PRDM4: variants seen among roughly 807,000 people sequenced by gnomAD.
PRDM4 encodes PR/SET domain 4, also known as PR domain zinc finger protein 4.
A neutral mutation model predicts 62.3 loss-of-function variants in PRDM4; 38 were observed. The observed-to-expected ratio is 0.61, with a 90% CI of 0.47 to 0.80. PRDM4 has a LOEUF of 0.80. Among genes scored for constraint, PRDM4 ranks in the 30% least tolerant of loss-of-function variants. The pLI is 0.00. For missense variants in PRDM4, 858 were observed against 997.1 expected, an observed-to-expected ratio of 0.86 and a Z score of 1.88; for synonymous variants, 339 against 348.2, an observed-to-expected ratio of 0.97 and a Z score of 0.30.
intron 3 of PRDM4, among the ~76,000 whole-genome samples, chr12:107,754,655 T>C (rs1209286374): frequency 6.6e-6 from 1 of 152,228 alleles, no homozygotes; most frequent in Admixed American, 6.5e-5. Flanking sequence ...AGTGCGGGGA[T>C]TGCCACCATG....
intron 6 of PRDM4, among the ~76,000 whole-genome samples, chr12:107,745,144 A>G (rs533760697): frequency 1.9e-4 from 29 of 152,278 alleles, no homozygotes; most frequent in Non-Finnish European, 3.4e-4. Flanking sequence ...CTGTAAATAT[A>G]TAAAATGTAA....
Position 107,741,456 on chromosome 12 carries a change from T to A in PRDM4, c.1610-196A>T, listed in dbSNP as rs1175529181. ...CAGGCACAGTGGCTCAGGCCTGCAA[T>A]CTTAGTGCTTTGAGAGCCCAAAGTG... On this transcript the variant is annotated intron_variant, in intron 9 of 11. Coordinates refer to ENST00000228437, the MANE Select transcript of PRDM4 (RefSeq NM_012406.4). Among the ~76,000 whole-genome samples, 3 of 152,040 alleles carry A rather than the reference T, an allele frequency of 2.0e-5. No individual in the cohort carries two copies. The East Asian group carries it at 5.8e-4, about 29-fold the overall frequency.
chr12:107,760,007 A>G (rs1329809044), intron 2 of PRDM4: 1 of 152,420 alleles, frequency 6.6e-6, no homozygotes, highest in East Asian at 1.9e-4. Flanking sequence ...CAATAATTTC[A>G]ATGAATTTGT....
chr12:107,755,658 T>C (rs1426583568), intron 3 of PRDM4, among the ~76,000 whole-genome samples: 1 of 152,232 alleles, frequency 6.6e-6, no homozygotes, highest in African/African-American at 2.4e-5. Context: ...ACAAAGAAAG[T>C]CCAATACATA....
intron 3 of PRDM4, among the ~76,000 whole-genome samples, chr12:107,755,274 T>C (rs1891028352): frequency 6.6e-6 from 1 of 151,908 alleles, no homozygotes; most frequent in South Asian, 2.1e-4. Context: ...TTTTTTTTTT[T>C]CTTTGTAGAG....
At chr12:107,746,562 G>A (rs1487617523) in intron 5 of PRDM4, 138 bp from the exon 6 acceptor site, 1 of 679,696 alleles carries the variant, frequency 1.5e-6, no homozygotes, top group Non-Finnish European at 2.3e-6. Flanking sequence ...TTGGCTCACT[G>A]CAACCTCTGC....
chr12:107,746,830 A>C (rs144224595), intron 5 of PRDM4, among the ~76,000 whole-genome samples: 101 of 152,304 alleles, frequency 6.6e-4, no homozygotes, highest in African/African-American at 2.3e-3. Flanking sequence ...ATCCAGTAAG[A>C]AGCACGGTTC....
At chr12:107,755,586 T>A (rs1210080899) in intron 3 of PRDM4, among the ~76,000 whole-genome samples, 1 of 152,216 alleles carries the variant, frequency 6.6e-6, no homozygotes, top group Non-Finnish European at 1.5e-5. Flanking sequence ...ATTAAGCAAG[T>A]AATTCTCTTT....
At chr12:107,757,647 T>A (rs1040554952) in intron 2 of PRDM4, among the ~76,000 whole-genome samples, 3 of 152,100 alleles carry the variant, frequency 2.0e-5, no homozygotes, top group African/African-American at 7.2e-5. Flanking sequence ...ATGCCCCAAA[T>A]CACATAGCTA....
In PRDM4 at chr12:107,734,225, AAG is replaced by A; in HGVS notation, c.2389_2390del (p.Leu797PhefsTer4). On this transcript the variant is annotated frameshift_variant, in exon 12 of 12. Coordinates refer to ENST00000228437, the MANE Select transcript of PRDM4 (RefSeq NM_012406.4). LOFTEE classifies it high-confidence loss of function. Reference protein sequence around the residue: ...NSAVYSADESLSAHK With the variant: ...NSAVYSADESXSAHK ...TCTTTTCCTTTTATTTATGTGCAGA[AAG>A]AGACTCATCCGCTGAATACACAGCA... The A allele has an allele frequency of 6.3e-7, 1 of 1,596,552 alleles. No individual in the cohort carries two copies. Among genetic ancestry groups the A allele is most frequent in the Non-Finnish European group, 8.5e-7 (1 of 1,172,342 alleles).
At chr12:107,745,427 G>T (rs911761962) in intron 6 of PRDM4, among the ~76,000 whole-genome samples, 2 of 151,882 alleles carry the variant, frequency 1.3e-5, no homozygotes, top group Non-Finnish European at 2.9e-5. Flanking sequence ...AATTAGCTGG[G>T]CATGATTGCA....
At position 107,754,011 on chromosome 12, in the gene PRDM4, T is replaced by C; in HGVS notation, c.244A>G (p.Met82Val). The part of the protein sequence containing the change: ...LPMGIGDRGV[M>V]CGLPERNYTL... ...TAGTTTCTTTCAGGTAACCCACACA[T>C]CACCCCTCGATCCCCAATACCCATT... is the stretch of plus-strand genomic sequence containing the variant. Residue 82 changes from methionine to valine, a missense_variant, in exon 4 of 12, where the codon ATG (methionine) becomes GTG (valine). Physicochemically the swap from Met to Val is conservative, Grantham distance 21. Coordinates refer to ENST00000228437, the MANE Select transcript of PRDM4 (RefSeq NM_012406.4). 6.2e-7 allele frequency: 1 copy of C among 1,613,962 alleles called. No homozygotes were observed. The highest frequency in any genetic ancestry group is 8.5e-7 in the Non-Finnish European group (1 of 1,179,846).
intron 8 of PRDM4, among the ~76,000 whole-genome samples, chr12:107,742,748 T>C (rs1388241087): frequency 6.7e-6 from 1 of 148,830 alleles, no homozygotes; most frequent in African/African-American, 2.4e-5. Context: ...AACTATATTG[T>C]TCCTTGGTAA....
intron 11 of PRDM4, chr12:107,737,048 C>T (rs1890356842): frequency 6.6e-6 from 1 of 152,028 alleles, no homozygotes; most frequent in Non-Finnish European, 1.5e-5. Flanking sequence ...AGGGTGGAGA[C>T]ATAAATCATA....
chr12:107,760,353 T>G (rs1891201078), intron 2 of PRDM4, 152 bp downstream of exon 2: 1 of 937,506 alleles, frequency 1.1e-6, no homozygotes, highest in Non-Finnish European at 1.5e-6. Flanking sequence ...GAGATTACAT[T>G]CCACCCAACA....
Position 107,751,936 on chromosome 12 carries a change from C to A in PRDM4, c.605G>T (p.Ser202Ile). ...TGCCATTCCATCTGTCGAAATTGGG[C>A]TGGTAACCCTAGAAACGTTCTCCAT... is the stretch of plus-strand genomic sequence containing the variant. The part of the protein sequence containing the change: ...ITMENVSRVT[S>I]PISTDGMAEE... Residue 202 changes from serine (S) to isoleucine (I), a missense_variant, in exon 5 of 12, where the codon AGC becomes ATC. Coordinates refer to ENST00000228437, the MANE Select transcript of PRDM4 (RefSeq NM_012406.4). 6.2e-7 allele frequency: 1 copy of A among 1,614,222 alleles called. No individual in the cohort carries two copies. Among genetic ancestry groups the A allele is most frequent in the South Asian group, 1.1e-5 (1 of 91,090 alleles).
chr12:107,755,043 C>A (rs1046661989), intron 3 of PRDM4, among the ~76,000 whole-genome samples: 25 of 152,002 alleles, frequency 1.6e-4, no homozygotes, highest in African/African-American at 5.1e-4. Context: ...TAATAAATAC[C>A]CACCAACTTG....
Position 107,746,163 on chromosome 12 carries a change from T to C in PRDM4, c.1276+112A>G, listed in dbSNP as rs887816053. ...CCATAAAAGCATAAATCTTAAGCCA[T>C]AAATTGACTTTTGGTCCAAATAATT... is the stretch of plus-strand genomic sequence containing the variant. On this transcript the variant is annotated intron_variant, in intron 6 of 11. Transcript: ENST00000228437. 4.2e-5 allele frequency: 55 copies of C among 1,301,536 alleles called. No individual in the cohort carries two copies. In the African/African-American group the frequency reaches 8.2e-4, roughly 19 times the overall value. 80.6% of individuals were successfully genotyped at this position (1,301,536 alleles called of 1,614,324 possible).
At position 107,752,048 on chromosome 12, in the gene PRDM4, T is replaced by C. The variant is rs757375674; in HGVS notation, c.493A>G (p.Ile165Val). 2.2e-5 allele frequency: 35 copies of C among 1,614,056 alleles called. 1 individual carries two copies. The Middle Eastern group carries it at 4.9e-4, about 23-fold the overall frequency. ...NVGLEPGIVS[I>V]DSRSVNTHGA... ...TGTGTGTTCACAGAGCGAGAGTCTA[T>C]TGAAACAATGCCTGGTTCTAATCCA... Residue 165 changes from isoleucine (I) to valine (V), a missense_variant, in exon 5 of 12, where the codon ATA (isoleucine) becomes GTA (valine). Physicochemically the swap from Ile to Val is conservative, Grantham distance 29. This residue lies in a region of PRDM4 where 499 missense variants were observed against 546.7 expected (regional missense o/e 0.91). Transcript: ENST00000228437.
Sources: allele counts gnomAD v4.1 joint callset (sites outside exome capture counted in the v4.1 genomes callset), GRCh38; gene constraint gnomAD v4.1.1; regional missense constraint gnomAD v4.1.1; transcripts MANE v1.5; gene names NCBI Gene and HGNC (gene_info 2026-07-23, HGNC 2026-07-21).